The following ARHGAP12 variants were observed in gnomAD, a reference collection of about 807,000 sequenced individuals.
ARHGAP12 encodes rho GTPase-activating protein 12.
A neutral mutation model predicts 108.6 loss-of-function variants in ARHGAP12; 64 were observed. The ratio of observed to expected loss-of-function variants is 0.59; its 90% CI spans 0.48 to 0.73. The LOEUF (loss-of-function observed/expected upper bound fraction) is 0.73, where lower values mean the gene tolerates loss of function less well. ARHGAP12 is among the 30% of genes least tolerant of loss of function. The probability of loss-of-function intolerance (pLI) is 0.00; values close to 1 mark genes in which losing one functional copy is unlikely to be tolerated. For synonymous variants in ARHGAP12, 312 were observed against 337.2 expected (o/e 0.93, Z 0.82); for missense variants, 940 against 1,005.9 (o/e 0.93, Z 0.89).
intron 1 of ARHGAP12, among the ~76,000 whole-genome samples, chr10:31,922,772 G>A (rs760569125): frequency 1.1e-4 from 16 of 151,976 alleles, no homozygotes; most frequent in Non-Finnish European, 2.4e-4. Flanking sequence ...TCAAAAAAAA[G>A]TTGAAGCAGA....
intron 3 of ARHGAP12, among the ~76,000 whole-genome samples, chr10:31,871,762 G>T (rs796766340): frequency 4.5e-4 from 69 of 152,234 alleles, no homozygotes; most frequent in African/African-American, 1.4e-3. Flanking sequence ...GTATCTAGAC[G>T]GTTGACAGAG....
chr10:31,911,080 G>C (rs1204326322), intron 1 of ARHGAP12, among the ~76,000 whole-genome samples: 1 of 152,072 alleles, frequency 6.6e-6, no homozygotes, highest in African/African-American at 2.4e-5. Context: ...CTGGAGTACA[G>C]TGGCACGATC....
intron 1 of ARHGAP12, among the ~76,000 whole-genome samples, chr10:31,923,443 G>T (rs1482396892): frequency 6.6e-6 from 1 of 152,144 alleles, no homozygotes; most frequent in Non-Finnish European, 1.5e-5. Context: ...ACATGATTCA[G>T]GGATTTTCCT....
chr10:31,909,872 G>C (rs1241839392), intron 2 of ARHGAP12, among the ~76,000 whole-genome samples: 1 of 152,150 alleles, frequency 6.6e-6, no homozygotes, highest in Non-Finnish European at 1.5e-5. Context: ...CTCCAACCTG[G>C]GTGACAGAGT....
rs1484997711 is a variant in ARHGAP12, at chr10:31,805,816, A to G, written c.*1842T>C. The G allele has an allele frequency of 6.6e-6, 1 of 152,134 alleles. No homozygotes were observed. Among genetic ancestry groups the G allele is most frequent in the Non-Finnish European group, 1.5e-5 (1 of 68,016 alleles). The allele number at this position is 152,134 out of a possible 1,614,324, so 9.4% of individuals were successfully genotyped here. On this transcript the variant is annotated 3_prime_UTR_variant, in exon 20 of 20. Transcript: ENST00000344936. ...ACAATCACTAAATAAGCAAGATCTA[A>G]AGCATATTGTATTATTAAGGACATC...
chr10:31,921,726 T>C (rs1199687529), intron 1 of ARHGAP12, among the ~76,000 whole-genome samples: 4 of 121,074 alleles, frequency 3.3e-5, no homozygotes, highest in African/African-American at 1.3e-4. Flanking sequence ...ATTGTGCCAC[T>C]GCATTCCAGC....
chr10:31,863,392 T>C (rs1032802862), intron 3 of ARHGAP12, among the ~76,000 whole-genome samples: 7 of 152,214 alleles, frequency 4.6e-5, no homozygotes, highest in African/African-American at 1.7e-4. Context: ...GTTCTTACTT[T>C]GCTCCTGATA....
At chr10:31,883,155 C>T (rs989869384) in intron 3 of ARHGAP12, among the ~76,000 whole-genome samples, 1 of 151,962 alleles carries the variant, frequency 6.6e-6, no homozygotes, top group Non-Finnish European at 1.5e-5. Flanking sequence ...ACTAGCCAGG[C>T]GTGGTGGCAC....
intron 3 of ARHGAP12, among the ~76,000 whole-genome samples, chr10:31,903,536 A>T (rs1454937894): frequency 6.6e-6 from 1 of 152,198 alleles, no homozygotes; most frequent in African/African-American, 2.4e-5. Flanking sequence ...ACTGGACCTC[A>T]ACAAAGTTAA....
chr10:31,884,394 T>A (rs1350915208), intron 3 of ARHGAP12, among the ~76,000 whole-genome samples: 2 of 152,096 alleles, frequency 1.3e-5, no homozygotes, highest in Non-Finnish European at 2.9e-5. Flanking sequence ...CATCTGCTTC[T>A]ACATTCAATA....
intron 1 of ARHGAP12, among the ~76,000 whole-genome samples, chr10:31,927,353 A>G (rs1293604980): frequency 6.6e-6 from 1 of 152,220 alleles, no homozygotes; most frequent in Admixed American, 6.5e-5. Context: ...CATCTAGGCC[A>G]TCGTTCCCGA....
intron 1 of ARHGAP12, among the ~76,000 whole-genome samples, chr10:31,918,081 G>A (rs373597187): frequency 3.3e-5 from 5 of 151,988 alleles, no homozygotes; most frequent in African/African-American, 1.2e-4. Flanking sequence ...TCAGCCTCCT[G>A]AGTAGCTAGG....
chr10:31,878,741 GAACACTT>G (rs1236838092), intron 3 of ARHGAP12, among the ~76,000 whole-genome samples: 2 of 152,152 alleles, frequency 1.3e-5, no homozygotes, highest in Non-Finnish European at 2.9e-5. Flanking sequence ...TGGCAGAGTT[GAACACTT>G]GCAACAGAGA....
intron 3 of ARHGAP12, among the ~76,000 whole-genome samples, chr10:31,876,632 C>T (rs1336111460): frequency 1.3e-5 from 2 of 150,894 alleles, no homozygotes; most frequent in Admixed American, 1.3e-4. Flanking sequence ...AATCCAAAAG[C>T]GGAGGAAAAA....
intron 6 of ARHGAP12, among the ~76,000 whole-genome samples, chr10:31,847,272 G>A (rs914569496): frequency 1.3e-5 from 2 of 152,088 alleles, no homozygotes; most frequent in African/African-American, 4.8e-5. Flanking sequence ...TTCTTGCTAT[G>A]ACAAGTAATT....
intron 6 of ARHGAP12, among the ~76,000 whole-genome samples, chr10:31,850,952 G>A (rs1836655341): frequency 6.6e-6 from 1 of 152,058 alleles, no homozygotes; most frequent in Admixed American, 6.5e-5. Context: ...AGAGTAATGA[G>A]ATAAAACATT....
At chr10:31,829,230 C>A (rs780974896) in intron 10 of ARHGAP12, among the ~76,000 whole-genome samples, 4 of 152,060 alleles carry the variant, frequency 2.6e-5, no homozygotes, top group African/African-American at 9.7e-5. Flanking sequence ...GCAAAATAAA[C>A]CAGTCACAAA....
intron 9 of ARHGAP12, among the ~76,000 whole-genome samples, chr10:31,832,900 G>A (rs1835884847): frequency 1.3e-5 from 2 of 152,110 alleles, no homozygotes; most frequent in Admixed American, 1.3e-4. Context: ...GTATACTGGG[G>A]ACTTGGGAAA....
chr10:31,836,848 T>C (rs1836039780), intron 9 of ARHGAP12, among the ~76,000 whole-genome samples: 2 of 151,994 alleles, frequency 1.3e-5, no homozygotes, highest in Non-Finnish European at 2.9e-5. Flanking sequence ...ACAGCATGGA[T>C]GGAGCATTCA....
Sources: gnomAD v4.1 joint callset for allele counts (sites outside exome capture counted in the v4.1 genomes callset) on GRCh38, gnomAD v4.1.1 for gene constraint, MANE v1.5 for transcripts, NCBI Gene and HGNC (gene_info 2026-07-23, HGNC 2026-07-21) for gene names.